CMSS1: variants seen among roughly 807,000 people sequenced by gnomAD.
CMSS1 encodes cms1 ribosomal small subunit homolog, also known as protein CMSS1.
Under a neutral mutation model 43.5 loss-of-function variants are expected in CMSS1, and 33 were observed. The observed-to-expected ratio is 0.76, with a 90% CI of 0.57 to 1.01. The LOEUF (loss-of-function observed/expected upper bound fraction) is 1.01. Ranked by LOEUF, CMSS1 falls within the 50% of genes least tolerant of loss-of-function variation. The probability of loss-of-function intolerance (pLI) is 0.00; values close to 1 mark genes in which losing one functional copy is unlikely to be tolerated. For missense variants in CMSS1, 313 were observed against 326.4 expected, an observed-to-expected ratio of 0.96 and a Z score of 0.32; for synonymous variants, 115 against 117.2, an observed-to-expected ratio of 0.98 and a Z score of 0.12.
intron 1 of CMSS1, among the ~76,000 whole-genome samples, chr3:99,880,312 C>A (rs1705680418): frequency 6.6e-6 from 1 of 152,164 alleles, no homozygotes; most frequent in East Asian, 1.9e-4. Flanking sequence ...TATACCATAT[C>A]TCCGCACTTA....
chr3:99,911,951 A>G (rs1174269062), intron 1 of CMSS1, among the ~76,000 whole-genome samples: 1 of 151,514 alleles, frequency 6.6e-6, no homozygotes, highest in Non-Finnish European at 1.5e-5. Flanking sequence ...TTTTTTTTCC[A>G]GCAAATAATC....
intron 1 of CMSS1, among the ~76,000 whole-genome samples, chr3:99,893,214 G>T (rs1306184702): frequency 7.0e-6 from 1 of 142,116 alleles, no homozygotes; most frequent in Non-Finnish European, 1.5e-5. Flanking sequence ...TGCCCAGGCT[G>T]GAGTGCAGTG....
At chr3:99,983,387 TAA>T (rs67879099) in intron 1 of CMSS1, among the ~76,000 whole-genome samples, 2,587 of 19,970 alleles carry the variant, frequency 0.13, 125 homozygotes, top group East Asian at 0.19. Context: ...AATAAATAAA[TAA>T]ATATATATAT....
intron 1 of CMSS1, among the ~76,000 whole-genome samples, chr3:100,096,220 A>G (rs2066205027): frequency 6.6e-6 from 1 of 152,106 alleles, no homozygotes; most frequent in Non-Finnish European, 1.5e-5. Context: ...CAGAAAACTA[A>G]AACTAGAGCT....
intron 1 of CMSS1, among the ~76,000 whole-genome samples, chr3:99,899,195 A>C (rs922991054): frequency 1.2e-4 from 18 of 152,142 alleles, no homozygotes; most frequent in Admixed American, 7.2e-4. Flanking sequence ...GTAGTTTCTG[A>C]TGTTCGTTGA....
intron 1 of CMSS1, among the ~76,000 whole-genome samples, chr3:100,031,807 T>C (rs1390518883): frequency 6.6e-6 from 1 of 152,188 alleles, no homozygotes; most frequent in Non-Finnish European, 1.5e-5. Flanking sequence ...CAGACTTTTT[T>C]GTAAAAGCAA....
intron 1 of CMSS1, among the ~76,000 whole-genome samples, chr3:100,131,716 A>G (rs1267858568): frequency 6.6e-6 from 1 of 152,252 alleles, no homozygotes; most frequent in African/African-American, 2.4e-5. Context: ...TGTTTTTTAA[A>G]TAACTTAAGG....
At chr3:99,986,435 T>C (rs116330945) in intron 1 of CMSS1, among the ~76,000 whole-genome samples, 1,956 of 152,336 alleles carry the variant, frequency 0.013, 21 homozygotes, top group Non-Finnish European at 0.018. Context: ...CATACATTAT[T>C]TTTAACAACA....
chr3:99,911,233 G>C (rs1380525235), intron 1 of CMSS1, among the ~76,000 whole-genome samples: 2 of 151,620 alleles, frequency 1.3e-5, no homozygotes, highest in East Asian at 3.9e-4. Context: ...TCAGGAAGTT[G>C]TACAATAATG....
intron 1 of CMSS1, among the ~76,000 whole-genome samples, chr3:100,051,973 CATAAAT>C (rs992824311): frequency 1.3e-5 from 2 of 149,506 alleles, no homozygotes; most frequent in African/African-American, 4.9e-5. Context: ...TGTATTTATA[CATAAAT>C]ATAAATGTGA....
chr3:99,887,481 C>T (rs17397949), intron 1 of CMSS1, among the ~76,000 whole-genome samples: 1,757 of 152,210 alleles, frequency 0.012, 18 homozygotes, highest in African/African-American at 0.026. Flanking sequence ...ACAGCCATGA[C>T]TGAGAGGTCA....
At chr3:100,125,427 G>A (rs2066655230) in intron 1 of CMSS1, among the ~76,000 whole-genome samples, 1 of 152,192 alleles carries the variant, frequency 6.6e-6, no homozygotes. Context: ...CTGTTTCTCT[G>A]GCTGTCTGCT....
intron 1 of CMSS1, among the ~76,000 whole-genome samples, chr3:99,984,898 T>G (rs191762829): frequency 2.7e-3 from 412 of 152,156 alleles, no homozygotes; most frequent in Non-Finnish European, 4.4e-3. Context: ...CAGGATTAGG[T>G]TAATAAGGAA....
chr3:100,053,465 T>C (rs2065407717), intron 1 of CMSS1, among the ~76,000 whole-genome samples: 1 of 152,192 alleles, frequency 6.6e-6, no homozygotes, highest in Admixed American at 6.5e-5. Flanking sequence ...TCTTCCCTCG[T>C]TGTGTCTGTA....
chr3:99,900,136 G>T (rs947637589), intron 1 of CMSS1, among the ~76,000 whole-genome samples: 1 of 152,062 alleles, frequency 6.6e-6, no homozygotes, highest in African/African-American at 2.4e-5. Flanking sequence ...TGTATTGGAT[G>T]AATTAATTTA....
intron 1 of CMSS1, among the ~76,000 whole-genome samples, chr3:99,907,106 A>C (rs181399886): frequency 6.6e-6 from 1 of 152,244 alleles, no homozygotes; most frequent in South Asian, 2.1e-4. Context: ...CAACAAATAC[A>C]CAGAGTTGGT....
intron 1 of CMSS1, among the ~76,000 whole-genome samples, chr3:99,837,612 G>A (rs980179400): frequency 4.6e-5 from 7 of 152,204 alleles, no homozygotes; most frequent in African/African-American, 7.2e-5. Context: ...TACTTGGGAT[G>A]CTTCCTTGGT....
At chr3:99,929,839 C>G in intron 1 of CMSS1, 1 of 1,596,514 alleles carries the variant, frequency 6.3e-7, no homozygotes. Flanking sequence ...GGTACACACC[C>G]CTATTGTGGT....
intron 1 of CMSS1, among the ~76,000 whole-genome samples, chr3:100,082,686 GC>G (rs1173535000): frequency 6.6e-6 from 1 of 152,150 alleles, no homozygotes; most frequent in Non-Finnish European, 1.5e-5. Context: ...TATTTAGGAA[GC>G]CTTTATAGAT....
Sources: gnomAD v4.1 joint callset for allele counts (sites outside exome capture counted in the v4.1 genomes callset) on GRCh38, gnomAD v4.1.1 for gene constraint, MANE v1.5 for transcripts, NCBI Gene and HGNC (gene_info 2026-07-23, HGNC 2026-07-21) for gene names.